DTNA: variants seen among roughly 807,000 people sequenced by gnomAD.
The protein encoded by DTNA is dystrophin-related protein 3.
A neutral mutation model predicts 100.7 loss-of-function variants in DTNA; 43 were observed. The ratio of observed to expected loss-of-function variants is 0.43; its 90% confidence interval spans 0.33 to 0.55. The LOEUF is 0.55. DTNA is among the 20% of genes least tolerant of loss of function. The pLI is 0.04. For missense variants in DTNA, 798 were observed against 953.9 expected (o/e 0.84, Z 2.15); for synonymous variants, 349 against 347.9 (o/e 1.00, Z -0.04).
chr18:34,818,438 T>G, intron 8 of DTNA, 108 bp downstream of exon 8: 2 of 1,546,360 alleles, frequency 1.3e-6, no homozygotes, highest in Non-Finnish European at 1.7e-6. Flanking sequence ...TTACCTTCCA[T>G]CCCAGGTCTA....
intron 1 of DTNA, among the ~76,000 whole-genome samples, chr18:34,674,819 G>A (rs943016902): frequency 7.9e-5 from 12 of 152,140 alleles, no homozygotes; most frequent in Non-Finnish European, 1.5e-4. Context: ...AGAGTTGCAC[G>A]TATTCTTATA....
intron 1 of DTNA, among the ~76,000 whole-genome samples, chr18:34,646,044 G>GTTGCA (rs2059799188): frequency 6.6e-6 from 1 of 152,086 alleles, no homozygotes; most frequent in African/African-American, 2.4e-5. Context: ...TACTCTCTTA[G>GTTGCA]CTGGTATTCT....
Position 34,889,982 on chromosome 18 carries a change from C to G in DTNA, c.*2248C>G, listed in dbSNP as rs1170778352. The G allele has an allele frequency of 1.7e-6, 2 of 1,145,988 alleles. No homozygotes were observed. The highest frequency in any genetic ancestry group is 3.2e-5 in the African/African-American group (2 of 62,784). 71.0% of individuals were successfully genotyped at this position (1,145,988 alleles called of 1,614,324 possible). On this transcript the variant is annotated 3_prime_UTR_variant, in exon 23 of 23. Coordinates refer to ENST00000444659, the MANE Select transcript of DTNA (RefSeq NM_001386795.1). ...TACTCAGTATTGAAAACCACTACAT[C>G]CCAGCTACCTATAATGCTGTCAGCT...
At chr18:34,622,971 C>T (rs904631904) in intron 1 of DTNA, among the ~76,000 whole-genome samples, 3 of 152,132 alleles carry the variant, frequency 2.0e-5, no homozygotes, top group African/African-American at 7.2e-5. Context: ...TCTTTATATA[C>T]CCTATTGGTT....
intron 1 of DTNA, among the ~76,000 whole-genome samples, chr18:34,606,453 G>A (rs555317636): frequency 2.6e-4 from 40 of 152,196 alleles, no homozygotes; most frequent in African/African-American, 9.2e-4. Context: ...ACCAAGACTC[G>A]TATCAAAATG....
At chr18:34,725,177 T>G (rs914146950) in intron 1 of DTNA, among the ~76,000 whole-genome samples, 3 of 152,092 alleles carry the variant, frequency 2.0e-5, no homozygotes, top group Admixed American at 6.5e-5. Flanking sequence ...ATTCAGGAGA[T>G]AGGCATGGGC....
intron 1 of DTNA, among the ~76,000 whole-genome samples, chr18:34,710,964 C>G (rs1023059780): frequency 2.0e-5 from 3 of 151,826 alleles, no homozygotes; most frequent in Non-Finnish European, 4.4e-5. Context: ...CATATTATTG[C>G]GAGCCTCATC....
intron 1 of DTNA, among the ~76,000 whole-genome samples, chr18:34,541,673 T>C (rs991746961): frequency 3.3e-5 from 5 of 152,078 alleles, no homozygotes; most frequent in African/African-American, 1.2e-4. Flanking sequence ...GAGAACAGAC[T>C]AATACAGGAA....
At chr18:34,809,410 C>T (rs2095436610) in intron 5 of DTNA, among the ~76,000 whole-genome samples, 1 of 152,092 alleles carries the variant, frequency 6.6e-6, no homozygotes, top group South Asian at 2.1e-4. Flanking sequence ...GAGTTGAGAT[C>T]ACGCCACTAC....
intron 1 of DTNA, among the ~76,000 whole-genome samples, chr18:34,560,860 T>G (rs2046569546): frequency 6.6e-6 from 1 of 152,304 alleles, no homozygotes; most frequent in South Asian, 2.1e-4. Flanking sequence ...ATATGGAGGT[T>G]GCAGTGAGCC....
At chr18:34,675,198 G>A (rs2077251482) in intron 1 of DTNA, among the ~76,000 whole-genome samples, 1 of 151,904 alleles carries the variant, frequency 6.6e-6, no homozygotes, top group Non-Finnish European at 1.5e-5. Flanking sequence ...CAGATGTTCA[G>A]CAGTATCCTG....
chr18:34,609,191 C>A (rs2053719405), intron 1 of DTNA, among the ~76,000 whole-genome samples: 1 of 151,366 alleles, frequency 6.6e-6, no homozygotes, highest in African/African-American at 2.4e-5. Flanking sequence ...CTTTATTGTA[C>A]AAGATAAACT....
intron 1 of DTNA, among the ~76,000 whole-genome samples, chr18:34,592,523 G>A (rs1045439038): frequency 1.4e-4 from 20 of 142,266 alleles, no homozygotes; most frequent in South Asian, 2.2e-4. Context: ...TTTCCAGTCC[G>A]CACTCAAGTT....
chr18:34,884,044 A>G (rs2096899318), intron 21 of DTNA, among the ~76,000 whole-genome samples: 1 of 152,176 alleles, frequency 6.6e-6, no homozygotes, highest in Non-Finnish European at 1.5e-5. Flanking sequence ...CTGGAATGAA[A>G]CTGCCAGGGT....
chr18:34,594,011 G>A (rs1382877626), intron 1 of DTNA, among the ~76,000 whole-genome samples: 1 of 152,130 alleles, frequency 6.6e-6, no homozygotes, highest in Non-Finnish European at 1.5e-5. Context: ...TGCGTAAGGA[G>A]CCTTTAGAAG....
At chr18:34,623,668 A>T (rs2056885845) in intron 1 of DTNA, among the ~76,000 whole-genome samples, 1 of 152,232 alleles carries the variant, frequency 6.6e-6, no homozygotes, top group Non-Finnish European at 1.5e-5. Context: ...AGTACTTTTA[A>T]GCAACTGTTA....
At chr18:34,790,040 C>G (rs2094650183) in intron 3 of DTNA, among the ~76,000 whole-genome samples, 1 of 152,218 alleles carries the variant, frequency 6.6e-6, no homozygotes, top group Admixed American at 6.5e-5. Flanking sequence ...TGTGATTCTT[C>G]ATGACTATGC....
chr18:34,640,516 A>G (rs1281152511), intron 1 of DTNA, among the ~76,000 whole-genome samples: 1 of 152,240 alleles, frequency 6.6e-6, no homozygotes, highest in Non-Finnish European at 1.5e-5. Context: ...TCCAGTGCCA[A>G]TCACAGACAT....
chr18:34,505,819 G>A (rs941802583), intron 1 of DTNA, among the ~76,000 whole-genome samples: 9 of 151,936 alleles, frequency 5.9e-5, no homozygotes, highest in African/African-American at 2.2e-4. Flanking sequence ...ACATCTCTGG[G>A]ATCTTGCTTT....
Sources: gnomAD v4.1 joint callset for allele counts (sites outside exome capture counted in the v4.1 genomes callset) on GRCh38, gnomAD v4.1.1 for gene constraint, MANE v1.5 for transcripts, NCBI Gene and HGNC (gene_info 2026-07-23, HGNC 2026-07-21) for gene names.